Variants in NME8 observed in about 807,000 individuals in gnomAD.
NME8 encodes the protein protein NME8.
Under a neutral mutation model 82.3 loss-of-function variants are expected in NME8, and 72 were observed. The observed-to-expected ratio is 0.87, with a 90% CI of 0.72 to 1.06. NME8 has a LOEUF of 1.06. Among genes scored for constraint, NME8 ranks in the 50% least tolerant of loss-of-function variants. The pLI, the probability that NME8 is intolerant of heterozygous loss-of-function variation, is 0.00. For missense variants in NME8, 712 were observed against 685.4 expected, an observed-to-expected ratio of 1.04 and a Z score of -0.43; for synonymous variants, 267 against 228.5, an observed-to-expected ratio of 1.17 and a Z score of -1.52.
intron 12 of NME8, among the ~76,000 whole-genome samples, chr7:37,883,353 T>C (rs1784993369): frequency 6.6e-6 from 1 of 152,204 alleles, no homozygotes; most frequent in African/African-American, 2.4e-5. Flanking sequence ...TTTTTCAACT[T>C]TCAAGAGCTA....
chr7:37,871,626 G>A (rs886580409), intron 11 of NME8, among the ~76,000 whole-genome samples: 8 of 151,992 alleles, frequency 5.3e-5, no homozygotes, highest in African/African-American at 1.9e-4. Flanking sequence ...TACAAAGATG[G>A]GGAAGAATTA....
At chr7:37,875,435 T>A (rs1448614093) in intron 11 of NME8, among the ~76,000 whole-genome samples, 1 of 150,478 alleles carries the variant, frequency 6.6e-6, no homozygotes, top group Non-Finnish European at 1.5e-5. Context: ...CAGCCCCCCA[T>A]AGCCCCCACA....
At chr7:37,850,231 A>C in intron 2 of NME8, 29 bp from the exon 3 acceptor site, 2 of 1,574,632 alleles carry the variant, frequency 1.3e-6, no homozygotes, top group East Asian at 4.5e-5. Flanking sequence ...TTCCTACTTA[A>C]AAATTTTTCT....
intron 8 of NME8, 73 bp from the exon 9 acceptor site, chr7:37,864,275 T>C: frequency 1.3e-6 from 2 of 1,511,368 alleles, no homozygotes; most frequent in Non-Finnish European, 1.8e-6. Context: ...ACATTGCTAA[T>C]TGCCAGATCC....
chr7:37,886,238 CAT>C (rs1411957643), intron 14 of NME8, among the ~76,000 whole-genome samples: 1 of 152,146 alleles, frequency 6.6e-6, no homozygotes, highest in Non-Finnish European at 1.5e-5. Context: ...TAAAATGTGG[CAT>C]AGAGTGCAAT....
Position 37,867,794 on chromosome 7 carries a change from A to G in NME8, c.714A>G (p.Glu238=). 6.2e-7 allele frequency: 1 copy of G among 1,613,970 alleles called. No individual in the cohort carries two copies. The highest frequency in any genetic ancestry group is 8.5e-7 in the Non-Finnish European group (1 of 1,179,872). The change falls in exon 11 of 18, where the codon GAA becomes GAG. Residue 238 remains glutamate (E), a synonymous_variant. Coordinates refer to ENST00000199447, the MANE Select transcript of NME8 (RefSeq NM_016616.5). ...SQGSKHNPPS[E]ETEPQTDTEP... is the part of the protein sequence containing the mutation. ...GAAGTAAACACAATCCTCCCTCTGA[A>G]GAAACCGAACCACAGACTGACACCG...
intron 11 of NME8, among the ~76,000 whole-genome samples, chr7:37,875,822 T>C (rs917448567): frequency 2.6e-5 from 4 of 151,954 alleles, no homozygotes; most frequent in African/African-American, 9.7e-5. Context: ...AGGGAATTAC[T>C]GGAAAAGTAA....
chr7:37,862,282 C>A lies in NME8; in HGVS notation c.387+138C>A, dbSNP rs1784608137. ...TTTTAATTTTAAAAAAGTACATTACCTTTTATTTGATGTTATCCTAAGTTG... is the reference window on the plus strand; with the variant it reads ...TTTTAATTTTAAAAAAGTACATTACATTTTATTTGATGTTATCCTAAGTTG... On this transcript the variant is annotated intron_variant, in intron 7 of 17. Transcript: ENST00000199447. 2.7e-5 allele frequency: 19 copies of A among 698,810 alleles called. 1 individual carries two copies. The South Asian group carries it at 3.1e-4, about 11-fold the overall frequency. 43.3% of individuals were successfully genotyped at this position (698,810 alleles called of 1,614,324 possible).
At chr7:37,861,096 T>G (rs998413646) in intron 6 of NME8, among the ~76,000 whole-genome samples, 1 of 152,210 alleles carries the variant, frequency 6.6e-6, no homozygotes, top group Non-Finnish European at 1.5e-5. Context: ...CCCAGCATTT[T>G]TTCCACACAG....
intron 16 of NME8, among the ~76,000 whole-genome samples, chr7:37,894,863 T>TTC (rs1785197092): frequency 1.3e-5 from 2 of 151,464 alleles, no homozygotes; most frequent in South Asian, 2.1e-4. Context: ...TTTCTCCCTT[T>TTC]CCTTCCCTTC....
At chr7:37,870,518 G>A (rs1784752040) in intron 11 of NME8, among the ~76,000 whole-genome samples, 1 of 149,820 alleles carries the variant, frequency 6.7e-6, no homozygotes, top group Non-Finnish European at 1.5e-5. Context: ...GAACCTGGGA[G>A]GTAGAGATTG....
intron 5 of NME8, among the ~76,000 whole-genome samples, chr7:37,855,499 C>T (rs2722350): frequency 0.92 from 139,389 of 152,082 alleles, 64,153 homozygotes; most frequent in Middle Eastern, 0.95. Flanking sequence ...ACGAACTTTG[C>T]GGCATTCCCC....
In NME8 at chr7:37,883,251, G is replaced by A. The variant is rs1268911888; in HGVS notation, c.995-1052G>A. ...GATTGGTTGTCACTTTTTAAACTGT[G>A]GTCATCAGGTACCCTCATTTGAGAA... On this transcript the variant is annotated intron_variant, in intron 12 of 17. Coordinates refer to ENST00000199447, the MANE Select transcript of NME8 (RefSeq NM_016616.5). Among the ~76,000 whole-genome samples, 3 of 151,940 alleles carry A rather than the reference G, an allele frequency of 2.0e-5. No homozygotes were observed. The East Asian group carries it at 5.8e-4, about 29-fold the overall frequency.
In NME8 at chr7:37,885,029, A is replaced by G. The variant is rs1394519154; in HGVS notation, c.1140-116A>G. The G allele has an allele frequency of 5.6e-6, 4 of 714,610 alleles. No individual in the cohort carries two copies. In the Admixed American group the frequency reaches 8.6e-5, roughly 15 times the overall value. 44.3% of individuals were successfully genotyped at this position (714,610 alleles called of 1,614,324 possible). On this transcript the variant is annotated intron_variant, in intron 13 of 17. Coordinates refer to ENST00000199447, the MANE Select transcript of NME8 (RefSeq NM_016616.5). The stretch of plus-strand genomic sequence containing the variant: ...AATCACAGACCTCTGTTAAAAGATT[A>G]TTTTACATGTTACATGTTTTTGATC...
chr7:37,891,323 A>T lies in NME8; in HGVS notation c.1399+2895A>T, dbSNP rs184927887. 9.2e-5 allele frequency among the ~76,000 whole-genome samples: 14 copies of T among 151,782 alleles called. No individual in the cohort carries two copies. The East Asian group carries it at 2.5e-3, about 27-fold the overall frequency. On this transcript the variant is annotated intron_variant, in intron 15 of 17. Coordinates refer to ENST00000199447, the MANE Select transcript of NME8 (RefSeq NM_016616.5). ...TTTGCTTTTGTTGCCTGTGCTTTTG[A>T]GGTCTTACCAAAAAAAATCACTGCC... is the stretch of plus-strand genomic sequence containing the variant.
intron 11 of NME8, among the ~76,000 whole-genome samples, chr7:37,876,050 C>CA (rs1487305587): frequency 4.0e-5 from 6 of 151,188 alleles, no homozygotes; most frequent in East Asian, 3.9e-4. Context: ...TACGAAAATA[C>CA]AAAAAAAATA....
At chr7:37,868,023 C>A in intron 11 of NME8, 125 bp downstream of exon 11, 1 of 786,074 alleles carries the variant, frequency 1.3e-6, no homozygotes, top group Non-Finnish European at 2.2e-6. Context: ...TTCTTCCAGT[C>A]AACCTAACAT....
intron 12 of NME8, among the ~76,000 whole-genome samples, chr7:37,878,690 C>G (rs1273542685): frequency 6.6e-6 from 1 of 152,008 alleles, no homozygotes; most frequent in African/African-American, 2.4e-5. Context: ...ATAGACTTTA[C>G]AGAACAGTTT....
intron 11 of NME8, among the ~76,000 whole-genome samples, chr7:37,869,594 T>C (rs1784739193): frequency 6.6e-6 from 1 of 152,100 alleles, no homozygotes; most frequent in African/African-American, 2.4e-5. Context: ...CAGAAGGAAA[T>C]GCCAGCAGCT....
Sources: gnomAD v4.1 joint callset for allele counts (sites outside exome capture counted in the v4.1 genomes callset) on GRCh38, gnomAD v4.1.1 for gene constraint, MANE v1.5 for transcripts, NCBI Gene and HGNC (gene_info 2026-07-23, HGNC 2026-07-21) for gene names.